Variants in FHIT observed in about 807,000 individuals in gnomAD.
The protein encoded by FHIT is fragile histidine triad diadenosine triphosphatase.
Under a neutral mutation model 17.9 loss-of-function variants are expected in FHIT, and 19 were observed. The ratio of observed to expected loss-of-function variants is 1.06; its 90% confidence interval spans 0.74 to 1.56. The LOEUF is 1.56. FHIT is among the 40% of genes most tolerant of loss of function. The probability of loss-of-function intolerance (pLI) is 0.00; values close to 1 mark genes in which losing one functional copy is unlikely to be tolerated. For synonymous variants in FHIT, 81 were observed against 69.7 expected (o/e 1.16, Z -0.81); for missense variants, 248 against 189.2 (o/e 1.31, Z -1.82).
chr3:60,038,625 C>T (rs1212576518), intron 5 of FHIT, among the ~76,000 whole-genome samples: 2 of 152,154 alleles, frequency 1.3e-5, no homozygotes, highest in African/African-American at 4.8e-5. Flanking sequence ...GCTGCTCGAA[C>T]TATTCCTAAG....
intron 4 of FHIT, among the ~76,000 whole-genome samples, chr3:60,599,997 G>A (rs979106855): frequency 3.3e-5 from 5 of 152,026 alleles, no homozygotes; most frequent in East Asian, 3.9e-4. Context: ...TCCAGATGTC[G>A]CTAAATGTGT....
chr3:60,125,224 C>G (rs558884445), intron 5 of FHIT, among the ~76,000 whole-genome samples: 11 of 152,172 alleles, frequency 7.2e-5, no homozygotes, highest in Non-Finnish European at 8.8e-5. Flanking sequence ...GCTCTCTTAC[C>G]AGCTGTACAA....
At chr3:60,103,918 T>C (rs924095077) in intron 5 of FHIT, among the ~76,000 whole-genome samples, 4 of 152,204 alleles carry the variant, frequency 2.6e-5, no homozygotes, top group South Asian at 4.1e-4. Flanking sequence ...CAGATCACTT[T>C]CTGAGTTAGA....
At chr3:60,910,138 G>T (rs975522611) in intron 3 of FHIT, among the ~76,000 whole-genome samples, 2 of 152,022 alleles carry the variant, frequency 1.3e-5, no homozygotes, top group Non-Finnish European at 2.9e-5. Flanking sequence ...CCATCTCTCC[G>T]CCAGAGATAG....
intron 7 of FHIT, among the ~76,000 whole-genome samples, chr3:59,932,300 G>C (rs184862743): frequency 6.6e-6 from 1 of 152,228 alleles, no homozygotes; most frequent in East Asian, 1.9e-4. Context: ...TTGTTTTAAA[G>C]AGCTCTTCCA....
Position 60,468,958 on chromosome 3 carries a change from A to AT in FHIT, c.103+67901dup, listed in dbSNP as rs1221972560. 3.3e-5 allele frequency among the ~76,000 whole-genome samples: 5 copies of AT among 151,954 alleles called. No homozygotes were observed. In the South Asian group the frequency reaches 6.2e-4, roughly 19 times the overall value. ...TGGATATACTATTGTAGGTTAGAAG[A>AT]TTTTTTTTCCTTGAGTACTTTAAAT... On this transcript the variant is annotated intron_variant, in intron 5 of 9. Coordinates refer to ENST00000492590, the MANE Select transcript of FHIT (RefSeq NM_002012.4).
intron 7 of FHIT, among the ~76,000 whole-genome samples, chr3:60,001,238 G>T (rs1161192243): frequency 1.3e-5 from 2 of 152,126 alleles, no homozygotes; most frequent in African/African-American, 4.8e-5. Flanking sequence ...CCAGTGCCTG[G>T]GAGCACATGG....
intron 4 of FHIT, among the ~76,000 whole-genome samples, chr3:60,803,708 C>A (rs1701282486): frequency 1.3e-5 from 2 of 152,140 alleles, no homozygotes; most frequent in African/African-American, 4.8e-5. Context: ...GCTGTCCCTG[C>A]CCCTGGTGTC....
At chr3:60,682,406 C>T (rs1190956196) in intron 4 of FHIT, among the ~76,000 whole-genome samples, 1 of 152,196 alleles carries the variant, frequency 6.6e-6, no homozygotes, top group Non-Finnish European at 1.5e-5. Context: ...TTGTTAGCTG[C>T]TAACGCAGCT....
At chr3:60,274,021 A>T (rs1005778995) in intron 5 of FHIT, among the ~76,000 whole-genome samples, 2 of 152,204 alleles carry the variant, frequency 1.3e-5, no homozygotes, top group Non-Finnish European at 2.9e-5. Flanking sequence ...ACATTTTGGC[A>T]GTAATGATAA....
intron 4 of FHIT, among the ~76,000 whole-genome samples, chr3:60,807,048 G>A (rs1313821778): frequency 6.6e-6 from 1 of 152,194 alleles, no homozygotes; most frequent in African/African-American, 2.4e-5. Flanking sequence ...CCATTCTCCA[G>A]TCAATCATTG....
rs569246569 is a variant in FHIT, at chr3:60,337,256, C to T, written c.103+199604G>A. Among the ~76,000 whole-genome samples the T allele has an allele frequency of 5.3e-5, 8 of 151,032 alleles. No homozygotes were observed. In the South Asian group the frequency reaches 6.3e-4, roughly 12 times the overall value. ...GTGTGCCTTCTCTATTTTTTTTTTCCGCCCACTAGGAAGACATGAAGTTCT... is the reference window on the plus strand; with the variant it reads ...GTGTGCCTTCTCTATTTTTTTTTTCTGCCCACTAGGAAGACATGAAGTTCT... On this transcript the variant is annotated intron_variant, in intron 5 of 9. Coordinates refer to ENST00000492590, the MANE Select transcript of FHIT (RefSeq NM_002012.4).
intron 8 of FHIT, among the ~76,000 whole-genome samples, chr3:59,917,901 G>T (rs1705210121): frequency 6.6e-6 from 1 of 152,222 alleles, no homozygotes; most frequent in Non-Finnish European, 1.5e-5. Flanking sequence ...TTTGGTGGGA[G>T]GGGGCAAGTT....
intron 2 of FHIT, among the ~76,000 whole-genome samples, chr3:61,102,270 G>C (rs1356318678): frequency 6.6e-6 from 1 of 152,212 alleles, no homozygotes; most frequent in Non-Finnish European, 1.5e-5. Context: ...ATGAAGGGCT[G>C]TTGAATTTTG....
At chr3:60,216,651 AGCTC>A (rs1236825038) in intron 5 of FHIT, among the ~76,000 whole-genome samples, 1 of 152,184 alleles carries the variant, frequency 6.6e-6, no homozygotes, top group Non-Finnish European at 1.5e-5. Context: ...CTAATCCTAT[AGCTC>A]GCACTTAAAC....
chr3:60,163,153 TC>T (rs1402973949), intron 5 of FHIT, among the ~76,000 whole-genome samples: 3 of 152,110 alleles, frequency 2.0e-5, no homozygotes, highest in Non-Finnish European at 4.4e-5. Flanking sequence ...CGTAAGATGT[TC>T]CTAACCTGGA....
rs1280041730 is a variant in FHIT, at chr3:59,748,252, G to GTAAA, written c.*1329_*1332dup. ...TACTAAAATTCAAAAAGTGAATCAAGTAAATAATGCTCTAGGTGGTCCACA... is the reference window on the plus strand; with the variant it reads ...TACTAAAATTCAAAAAGTGAATCAAGTAAATAAATAATGCTCTAGGTGGTCCACA... On this transcript the variant is annotated 3_prime_UTR_variant, in exon 10 of 10. Transcript: ENST00000492590. 2.6e-5 allele frequency among the ~76,000 whole-genome samples: 4 copies of GTAAA among 152,058 alleles called. No homozygotes were observed. Among genetic ancestry groups the GTAAA allele is most frequent in the Non-Finnish European group, 5.9e-5 (4 of 68,002 alleles).
chr3:60,169,899 G>A (rs1701343128), intron 5 of FHIT, among the ~76,000 whole-genome samples: 1 of 152,178 alleles, frequency 6.6e-6, no homozygotes, highest in African/African-American at 2.4e-5. Context: ...GCACTAATCT[G>A]TAAACCTGCT....
chr3:60,760,047 A>G (rs1292719731), intron 4 of FHIT, among the ~76,000 whole-genome samples: 1 of 123,240 alleles, frequency 8.1e-6, no homozygotes. Context: ...TCTTTTCTTT[A>G]TCTCTTTCTC....
Sources: allele counts gnomAD v4.1 joint callset (sites outside exome capture counted in the v4.1 genomes callset), GRCh38; gene constraint gnomAD v4.1.1; transcripts MANE v1.5; gene names NCBI Gene and HGNC (gene_info 2026-07-23, HGNC 2026-07-21).